GNB5: variants seen among roughly 807,000 people sequenced by gnomAD.
The protein encoded by GNB5 is G protein subunit beta 5.
Under a neutral mutation model 55.3 loss-of-function variants are expected in GNB5, and 37 were observed. The ratio of observed to expected loss-of-function variants is 0.67; its 90% CI spans 0.51 to 0.88. GNB5 has a LOEUF of 0.88. Among genes scored for constraint, GNB5 ranks in the 40% least tolerant of loss-of-function variants. The probability of loss-of-function intolerance (pLI) is 0.00; values close to 1 mark genes in which losing one functional copy is unlikely to be tolerated. For missense variants in GNB5, 476 were observed against 515.3 expected, an observed-to-expected ratio of 0.92 and a Z score of 0.74; for synonymous variants, 219 against 198.5, an observed-to-expected ratio of 1.10 and a Z score of -0.87.
At chr15:52,170,499 C>T (rs1016934082) in intron 3 of GNB5, among the ~76,000 whole-genome samples, 3 of 152,046 alleles carry the variant, frequency 2.0e-5, no homozygotes, top group Non-Finnish European at 2.9e-5. Flanking sequence ...AGGAGCTGAA[C>T]GATGAGAACA....
Position 52,116,968 on chromosome 15 carries a change from G to C in GNB5, c.*5789C>G, listed in dbSNP as rs895713289. 1 of 148,652 alleles carries C rather than the reference G, an allele frequency of 6.7e-6. No homozygotes were observed. Among genetic ancestry groups the C allele is most frequent in the African/African-American group, 2.5e-5 (1 of 40,144 alleles). 9.2% of individuals were successfully genotyped at this position (148,652 alleles called of 1,614,324 possible). On this transcript the variant is annotated 3_prime_UTR_variant, in exon 13 of 13. Transcript: ENST00000261837. ...AGTCAGAGTCTCGCTCTGTCGCCCA[G>C]GCTGGAGTGCAGTGGTGCCATCTCG...
chr15:52,162,878 C>T (rs1300783026), intron 3 of GNB5: 1 of 152,236 alleles, frequency 6.6e-6, no homozygotes, highest in Non-Finnish European at 1.5e-5. Flanking sequence ...AACAAAAAAA[C>T]CCCACACAAG....
rs1283421038 is a variant in GNB5, at chr15:52,124,454, A to G, written c.1176+19T>C. 6.2e-7 allele frequency: 1 copy of G among 1,600,516 alleles called. No homozygotes were observed. The highest frequency in any genetic ancestry group is 1.3e-5 in the African/African-American group (1 of 74,494). On this transcript the variant is annotated intron_variant, in intron 12 of 12. Coordinates refer to ENST00000261837, the MANE Select transcript of GNB5 (RefSeq NM_016194.4). ...TCTCTCCTCTCACACACAGGAAAAC[A>G]GAAAACCATCCCTCTTACTCTGAGG...
rs1004294956 is a variant in GNB5, at chr15:52,164,200, CG to C, written c.239-10125del. On this transcript the variant is annotated intron_variant, in intron 3 of 12. Coordinates refer to ENST00000261837, the MANE Select transcript of GNB5 (RefSeq NM_016194.4). ...GCGGGCGCCTGTAATCCCAGCTACTCGGGGGGCTGAGGCAGGAGAATCGCTT... is the reference window on the plus strand; with the variant it reads ...GCGGGCGCCTGTAATCCCAGCTACTCGGGGGCTGAGGCAGGAGAATCGCTT... 1.9e-4 allele frequency among the ~76,000 whole-genome samples: 29 copies of C among 150,350 alleles called. 1 individual carries two copies. Among genetic ancestry groups the C allele is most frequent in the African/African-American group, 6.9e-4 (28 of 40,636 alleles).
chr15:52,143,789 T>A (rs1407855357), intron 6 of GNB5: 3 of 152,206 alleles, frequency 2.0e-5, no homozygotes, highest in African/African-American at 7.2e-5. Context: ...TATGTCAGAC[T>A]TACCACTAGA....
intron 3 of GNB5, among the ~76,000 whole-genome samples, chr15:52,162,164 G>A (rs1258599197): frequency 6.6e-6 from 1 of 152,168 alleles, no homozygotes; most frequent in Non-Finnish European, 1.5e-5. Context: ...CAAATTAAAG[G>A]TGAATGCATA....
Position 52,122,160 on chromosome 15 carries a change from C to T in GNB5, c.*597G>A, listed in dbSNP as rs2033285178. ...TCTCTGCGTCATTTACAGCAGTTCA[C>T]CATAGACAAAAATGTTGTATCTGAA... On this transcript the variant is annotated 3_prime_UTR_variant, in exon 13 of 13. Coordinates refer to ENST00000261837, the MANE Select transcript of GNB5 (RefSeq NM_016194.4). 6.6e-6 allele frequency: 1 copy of T among 152,108 alleles called. No homozygotes were observed. The highest frequency in any genetic ancestry group is 2.1e-4 in the South Asian group (1 of 4,818). 9.4% of individuals were successfully genotyped at this position (152,108 alleles called of 1,614,324 possible).
chr15:52,134,710 G>A (rs542543925), intron 8 of GNB5, among the ~76,000 whole-genome samples: 4 of 152,256 alleles, frequency 2.6e-5, no homozygotes, highest in South Asian at 2.1e-4. Flanking sequence ...GGGCAGCCTG[G>A]AGCAAAGGTC....
intron 3 of GNB5, among the ~76,000 whole-genome samples, chr15:52,167,593 C>T (rs986297795): frequency 4.0e-5 from 6 of 151,628 alleles, no homozygotes; most frequent in Admixed American, 3.9e-4. Flanking sequence ...ATCGCCTGAA[C>T]GCAGGAGGTA....
chr15:52,186,108 C>G (rs1157273067), intron 1 of GNB5, among the ~76,000 whole-genome samples: 1 of 152,118 alleles, frequency 6.6e-6, no homozygotes, highest in Non-Finnish European at 1.5e-5. Context: ...GCCATTGGCA[C>G]AAGTAGCTAA....
At chr15:52,181,367 A>G (rs1024900943) in intron 2 of GNB5, among the ~76,000 whole-genome samples, 2 of 152,280 alleles carry the variant, frequency 1.3e-5, no homozygotes, top group African/African-American at 4.8e-5. Context: ...TGTAATCCCA[A>G]CACTTCGGGA....
chr15:52,125,966 C>T lies in GNB5; in HGVS notation c.991G>A (p.Val331Met), dbSNP rs756407899. The T allele has an allele frequency of 2.4e-5, 37 of 1,523,452 alleles. No individual in the cohort carries two copies. Among genetic ancestry groups the T allele is most frequent in the African/African-American group, 1.6e-4 (12 of 73,132 alleles). 94.4% of individuals were successfully genotyped at this position (1,523,452 alleles called of 1,614,324 possible). A position where few individuals can be genotyped will look rare whatever the true frequency, so the allele number is the denominator to read the frequency against. ...KESIIFGASS[V>M]DFSLSGRLLF... ...ATCTTACCACTGAGGGAGAAGTCCA[C>T]GCTGGATGCTCCAAATATGATGCTT... Residue 331 changes from valine (V) to methionine (M), a missense_variant, in exon 11 of 13, where the codon GTG becomes ATG. By Grantham distance (21) the Val-to-Met change is conservative (BLOSUM62 1). Coordinates refer to ENST00000261837, the MANE Select transcript of GNB5 (RefSeq NM_016194.4).
At chr15:52,133,006 T>C (rs181311384) in intron 9 of GNB5, among the ~76,000 whole-genome samples, 3 of 152,292 alleles carry the variant, frequency 2.0e-5, no homozygotes, top group East Asian at 3.9e-4. Context: ...GTATCTGAAA[T>C]TGTATATTTG....
chr15:52,166,080 A>G (rs1566946202), intron 3 of GNB5, among the ~76,000 whole-genome samples: 1 of 152,160 alleles, frequency 6.6e-6, no homozygotes. Flanking sequence ...CAACAAAGAT[A>G]AAAAAAGACA....
At chr15:52,157,069 A>G (rs1489926611) in intron 3 of GNB5, among the ~76,000 whole-genome samples, 28 of 142,418 alleles carry the variant, frequency 2.0e-4, no homozygotes, top group Admixed American at 4.3e-4. Context: ...CCAAGTAGCT[A>G]GGACTACAGG....
rs1796315488 is a variant in GNB5 at position 52,184,670 on chromosome 15, C to T, written c.7G>A (p.Asp3Asn). 1 of 1,612,936 alleles carries T rather than the reference C, an allele frequency of 6.2e-7. No individual in the cohort carries two copies. The highest frequency in any genetic ancestry group is 1.3e-5 in the African/African-American group (1 of 74,862). Reference sequence around the variant, plus strand: ...AATACATTAACGAGAAAGGTCTGATCACACATCTTTTACCCAAGATAAAGC... The same window carrying T: ...AATACATTAACGAGAAAGGTCTGATTACACATCTTTTACCCAAGATAAAGC... The part of the protein sequence containing the change: MC[D>N]QTFLVNVFGS... The change falls in exon 2 of 13, where the codon GAT becomes AAT. Residue 3 changes from aspartate (D) to asparagine (N), a missense_variant. Coordinates refer to ENST00000261837, the MANE Select transcript of GNB5 (RefSeq NM_016194.4).
At chr15:52,139,835 C>T (rs1216228123) in intron 7 of GNB5, 13 of 1,274,658 alleles carry the variant, frequency 1.0e-5, no homozygotes, top group Non-Finnish European at 1.3e-5. Context: ...CCTTTCATCC[C>T]CAACCCTGCC....
At chr15:52,183,530 C>G (rs1232701096) in intron 2 of GNB5, among the ~76,000 whole-genome samples, 1 of 152,188 alleles carries the variant, frequency 6.6e-6, no homozygotes, top group Non-Finnish European at 1.5e-5. Flanking sequence ...GGGCTGTTTA[C>G]TTGCTATTTG....
intron 3 of GNB5, among the ~76,000 whole-genome samples, chr15:52,174,022 T>G (rs192321701): frequency 6.6e-6 from 1 of 152,302 alleles, no homozygotes; most frequent in African/African-American, 2.4e-5. Context: ...GGGGAGATTA[T>G]CCTGGATTAT....
Sources: gnomAD v4.1 joint callset for allele counts (sites outside exome capture counted in the v4.1 genomes callset) on GRCh38, gnomAD v4.1.1 for gene constraint, MANE v1.5 for transcripts, NCBI Gene and HGNC (gene_info 2026-07-23, HGNC 2026-07-21) for gene names.